DIP2C: variants seen among roughly 807,000 people sequenced by gnomAD.
DIP2C encodes DIP2 acetate--CoA ligase C (putative), also known as disco-interacting protein 2 homolog C.
Under a neutral mutation model 192.4 loss-of-function variants are expected in DIP2C, and 33 were observed. The observed-to-expected ratio is 0.17, with a 90% confidence interval of 0.13 to 0.23. The LOEUF is 0.23. DIP2C is among the 10% of genes least tolerant of loss of function. DIP2C has a pLI of 1.00. For synonymous variants in DIP2C, 979 were observed against 864.1 expected (o/e 1.13, Z -2.33); for missense variants, 1,537 against 2,110.1 (o/e 0.73, Z 5.32).
At chr10:417,689 T>TTCACTGCA (rs1965771962) in intron 6 of DIP2C, among the ~76,000 whole-genome samples, 1 of 139,158 alleles carries the variant, frequency 7.2e-6, no homozygotes, top group African/African-American at 2.8e-5. Context: ...GGCCTCCCTG[T>TTCACTGCA]CCGCCTGTGC....
At chr10:632,056 A>C (rs946382567) in intron 1 of DIP2C, among the ~76,000 whole-genome samples, 3 of 152,244 alleles carry the variant, frequency 2.0e-5, no homozygotes, top group Non-Finnish European at 4.4e-5. Context: ...GATTGAAGAG[A>C]TAAAAGCACG....
chr10:595,879 C>T lies in DIP2C; in HGVS notation c.85+93615G>A, dbSNP rs183376367. ...TCATAATCTGAGGCCTGACAGCCAT[C>T]GTTCTTGATAAAGGGATGGTTAACA... On this transcript the variant is annotated intron_variant, in intron 1 of 36. Transcript: ENST00000280886. 1.1e-4 allele frequency among the ~76,000 whole-genome samples: 16 copies of T among 152,316 alleles called. No homozygotes were observed. The East Asian group carries it at 2.9e-3, about 28-fold the overall frequency.
chr10:333,047 C>T (rs901685469), intron 29 of DIP2C, among the ~76,000 whole-genome samples: 3 of 152,156 alleles, frequency 2.0e-5, no homozygotes, highest in Non-Finnish European at 1.5e-5. Context: ...GGATGACAGG[C>T]GTGTGCCACC....
At chr10:445,898 G>A (rs1006280097) in intron 3 of DIP2C, among the ~76,000 whole-genome samples, 1 of 151,476 alleles carries the variant, frequency 6.6e-6, no homozygotes, top group African/African-American at 2.4e-5. Context: ...ATCTTGCACT[G>A]GCCATCTGTA....
intron 29 of DIP2C, among the ~76,000 whole-genome samples, chr10:340,225 A>G (rs1376516176): frequency 6.6e-6 from 1 of 152,132 alleles, no homozygotes; most frequent in Non-Finnish European, 1.5e-5. Flanking sequence ...TGAGAAAATC[A>G]TAACCAATTT....
intron 1 of DIP2C, among the ~76,000 whole-genome samples, chr10:556,602 G>A (rs1848887762): frequency 1.3e-5 from 2 of 151,390 alleles, no homozygotes; most frequent in African/African-American, 4.9e-5. Flanking sequence ...ATCTGCTATA[G>A]ACACATGAAA....
At chr10:324,935 C>A in intron 31 of DIP2C, 1 of 533,060 alleles carries the variant, frequency 1.9e-6, no homozygotes. Flanking sequence ...ATTTTATCTT[C>A]TCCTACTGAG....
intron 1 of DIP2C, among the ~76,000 whole-genome samples, chr10:586,003 C>T (rs1396983953): frequency 1.3e-5 from 2 of 152,182 alleles, no homozygotes; most frequent in Non-Finnish European, 2.9e-5. Context: ...CAACGGGCCT[C>T]AAGGAGACAC....
chr10:592,555 G>A (rs1289565512), intron 1 of DIP2C, among the ~76,000 whole-genome samples: 1 of 151,562 alleles, frequency 6.6e-6, no homozygotes, highest in Non-Finnish European at 1.5e-5. Flanking sequence ...GAACTGACTA[G>A]GTGGAATTCC....
In DIP2C at chr10:499,642, G is replaced by C. The variant is rs377405680; in HGVS notation, c.86-13112C>G. 1.9e-4 allele frequency among the ~76,000 whole-genome samples: 29 copies of C among 152,316 alleles called. No homozygotes were observed. The East Asian group carries it at 5.0e-3, about 26-fold the overall frequency. On this transcript the variant is annotated intron_variant, in intron 1 of 36. Transcript: ENST00000280886. ...AGGGAACACAGTTACCAAAAAAACA[G>C]ATCTCGTGAGATCTCCCAATCGCGA...
chr10:400,669 T>C (rs1476133933), intron 9 of DIP2C, among the ~76,000 whole-genome samples: 1 of 151,796 alleles, frequency 6.6e-6, no homozygotes, highest in African/African-American at 2.4e-5. Flanking sequence ...CTCTTCCTTA[T>C]GGACAAGTTT....
chr10:347,809 C>A (rs557245404), intron 26 of DIP2C, among the ~76,000 whole-genome samples: 2 of 150,910 alleles, frequency 1.3e-5, no homozygotes, highest in Admixed American at 1.3e-4. Flanking sequence ...CCACACTCAC[C>A]CAGACACATC....
At chr10:606,701 T>C (rs1852511277) in intron 1 of DIP2C, among the ~76,000 whole-genome samples, 1 of 152,250 alleles carries the variant, frequency 6.6e-6, no homozygotes, top group African/African-American at 2.4e-5. Flanking sequence ...TCTCACTGCT[T>C]AAGCACTCTG....
intron 1 of DIP2C, among the ~76,000 whole-genome samples, chr10:589,447 G>A (rs1331294737): frequency 6.6e-6 from 1 of 152,042 alleles, no homozygotes; most frequent in African/African-American, 2.4e-5. Flanking sequence ...TCTTCTACAG[G>A]TTTTCTAGTT....
intron 8 of DIP2C, among the ~76,000 whole-genome samples, chr10:412,857 A>T (rs1965276966): frequency 6.6e-6 from 1 of 152,274 alleles, no homozygotes; most frequent in African/African-American, 2.4e-5. Flanking sequence ...TATGTACTGT[A>T]CTATCCCAAG....
chr10:368,638 C>CT (rs1960587524), intron 18 of DIP2C, among the ~76,000 whole-genome samples: 1 of 152,232 alleles, frequency 6.6e-6, no homozygotes, highest in African/African-American at 2.4e-5. Flanking sequence ...CATGAGGGGT[C>CT]TGCCTCTGTG....
chr10:580,517 A>C (rs756589408), intron 1 of DIP2C, among the ~76,000 whole-genome samples: 5 of 152,202 alleles, frequency 3.3e-5, no homozygotes, highest in Non-Finnish European at 7.3e-5. Context: ...GCCCATAGTT[A>C]TGCACATATG....
At chr10:569,081 C>G (rs76285790) in intron 1 of DIP2C, among the ~76,000 whole-genome samples, 1 of 152,084 alleles carries the variant, frequency 6.6e-6, no homozygotes, top group Admixed American at 6.6e-5. Flanking sequence ...AGGTAAGGTG[C>G]GGTCAAGGGT....
At chr10:582,057 C>T (rs1046348575) in intron 1 of DIP2C, among the ~76,000 whole-genome samples, 2 of 152,102 alleles carry the variant, frequency 1.3e-5, no homozygotes, top group Admixed American at 1.3e-4. Flanking sequence ...ACACAGTTTA[C>T]AATAGGATTC....
Sources: gnomAD v4.1 joint callset for allele counts (sites outside exome capture counted in the v4.1 genomes callset) on GRCh38, gnomAD v4.1.1 for gene constraint, MANE v1.5 for transcripts, NCBI Gene and HGNC (gene_info 2026-07-23, HGNC 2026-07-21) for gene names.